TTC17: variants seen among roughly 807,000 people sequenced by gnomAD.
The protein encoded by TTC17 is tetratricopeptide repeat domain 17.
A neutral mutation model predicts 143.8 loss-of-function variants in TTC17; 58 were observed. That is an observed-to-expected ratio of 0.40 (90% CI 0.33 to 0.50). The LOEUF (loss-of-function observed/expected upper bound fraction) is 0.50, where lower values mean the gene tolerates loss of function less well. Among genes scored for constraint, TTC17 ranks in the 20% least tolerant of loss-of-function variants. The pLI, the probability that TTC17 is intolerant of heterozygous loss-of-function variation, is 0.49. For synonymous variants in TTC17, 501 were observed against 497.8 expected (o/e 1.01, Z -0.09); for missense variants, 1,273 against 1,392.5 (o/e 0.91, Z 1.37).
At chr11:43,408,873 C>T (rs1858269450) in intron 15 of TTC17, among the ~76,000 whole-genome samples, 1 of 152,034 alleles carries the variant, frequency 6.6e-6, no homozygotes, top group East Asian at 1.9e-4. Flanking sequence ...TCCCTAGTAG[C>T]TGGGACTACA....
At chr11:43,447,623 T>A (rs1947572069) in intron 18 of TTC17, 1 of 169,750 alleles carries the variant, frequency 5.9e-6, no homozygotes. Flanking sequence ...TGAGAAACCC[T>A]GCTTTAGAGA....
intron 16 of TTC17, among the ~76,000 whole-genome samples, chr11:43,442,053 C>T (rs913466005): frequency 1.2e-4 from 19 of 152,160 alleles, no homozygotes; most frequent in African/African-American, 4.1e-4. Context: ...ACTGCACTCC[C>T]GCGTTATATT....
At chr11:43,414,917 T>G in intron 16 of TTC17, 141 bp downstream of exon 16, 2 of 869,014 alleles carry the variant, frequency 2.3e-6, no homozygotes, top group Non-Finnish European at 3.4e-6. Flanking sequence ...TAGGAAAAGA[T>G]GTTAATTCCT....
At chr11:43,384,989 A>G (rs576089952) in intron 2 of TTC17, among the ~76,000 whole-genome samples, 49 of 152,352 alleles carry the variant, frequency 3.2e-4, no homozygotes, top group South Asian at 2.3e-3. Flanking sequence ...AACCTACCAA[A>G]AAATATAATA....
intron 5 of TTC17, among the ~76,000 whole-genome samples, chr11:43,394,011 C>G (rs983379026): frequency 6.6e-6 from 1 of 152,188 alleles, no homozygotes; most frequent in African/African-American, 2.4e-5. Flanking sequence ...TCTGTCTCTT[C>G]CATTTCTTAT....
intron 21 of TTC17, among the ~76,000 whole-genome samples, chr11:43,468,685 A>G (rs1948029416): frequency 6.6e-6 from 1 of 152,206 alleles, no homozygotes; most frequent in African/African-American, 2.4e-5. Flanking sequence ...CTCCAATCCC[A>G]TCACCTTGGG....
At chr11:43,402,683 A>G (rs971736813) in intron 10 of TTC17, among the ~76,000 whole-genome samples, 2 of 152,198 alleles carry the variant, frequency 1.3e-5, no homozygotes, top group African/African-American at 4.8e-5. Context: ...GATGCTTAAC[A>G]GGTAAGTGTA....
intron 5 of TTC17, 31 bp from the exon 6 acceptor site, chr11:43,396,678 G>C: frequency 1.5e-6 from 2 of 1,348,764 alleles, no homozygotes; most frequent in Non-Finnish European, 2.1e-6. Flanking sequence ...GTCTTGAGTC[G>C]TGTTTGTAAT....
intron 21 of TTC17, among the ~76,000 whole-genome samples, chr11:43,470,755 C>T (rs931013141): frequency 1.3e-5 from 2 of 152,196 alleles, no homozygotes; most frequent in African/African-American, 4.8e-5. Flanking sequence ...CTATGACTTA[C>T]TTCCTAGCTC....
At chr11:43,431,768 A>T (rs1391021588) in intron 16 of TTC17, among the ~76,000 whole-genome samples, 1 of 152,252 alleles carries the variant, frequency 6.6e-6, no homozygotes, top group Non-Finnish European at 1.5e-5. Context: ...TAAGAGGATC[A>T]CTTGAGCCCA....
At chr11:43,462,960 G>A (rs1947899034) in intron 21 of TTC17, among the ~76,000 whole-genome samples, 2 of 109,968 alleles carry the variant, frequency 1.8e-5, no homozygotes, top group South Asian at 5.0e-4. Context: ...CTATTGCCCA[G>A]GCTGAAGTGC....
At chr11:43,426,816 C>T (rs1947039414) in intron 16 of TTC17, among the ~76,000 whole-genome samples, 1 of 152,188 alleles carries the variant, frequency 6.6e-6, no homozygotes, top group Non-Finnish European at 1.5e-5. Flanking sequence ...TTTATAACTT[C>T]ATTAGCCTCA....
At chr11:43,424,006 A>G (rs143390306) in intron 16 of TTC17, among the ~76,000 whole-genome samples, 102 of 152,316 alleles carry the variant, frequency 6.7e-4, no homozygotes, top group Middle Eastern at 6.8e-3. Context: ...TTTCTAAAAT[A>G]TAGCTCATTT....
At chr11:43,437,706 G>A (rs1167990098) in intron 16 of TTC17, among the ~76,000 whole-genome samples, 1 of 152,166 alleles carries the variant, frequency 6.6e-6, no homozygotes, top group African/African-American at 2.4e-5. Context: ...TACAAATGTA[G>A]ATATAATTGC....
At chr11:43,483,949 C>T (rs1325790632) in intron 21 of TTC17, among the ~76,000 whole-genome samples, 2 of 152,160 alleles carry the variant, frequency 1.3e-5, no homozygotes, top group Non-Finnish European at 2.9e-5. Context: ...CAGGACCAGC[C>T]TGGTCAACAC....
chr11:43,424,689 G>C (rs770192213), intron 16 of TTC17, among the ~76,000 whole-genome samples: 2 of 152,128 alleles, frequency 1.3e-5, no homozygotes, highest in Non-Finnish European at 2.9e-5. Flanking sequence ...AGAATTGCTT[G>C]AACCCGGGAG....
At chr11:43,380,251 G>GTT (rs1403990311) in intron 2 of TTC17, among the ~76,000 whole-genome samples, 2 of 151,424 alleles carry the variant, frequency 1.3e-5, no homozygotes, top group East Asian at 3.9e-4. Flanking sequence ...CCTGTTTTTT[G>GTT]TTTTGTTTTG....
At chr11:43,438,811 T>C (rs938105590) in intron 16 of TTC17, among the ~76,000 whole-genome samples, 2 of 152,240 alleles carry the variant, frequency 1.3e-5, no homozygotes, top group African/African-American at 2.4e-5. Context: ...TTGTTTCTTA[T>C]CAAATATAGT....
rs146106574 is a variant in TTC17, at chr11:43,459,057, C to T, written c.3030+7792C>T. Among the ~76,000 whole-genome samples the T allele has an allele frequency of 2.4e-4, 36 of 152,244 alleles. 2 individuals carry two copies. In the East Asian group the frequency reaches 6.6e-3, roughly 28 times the overall value. On this transcript the variant is annotated intron_variant, in intron 21 of 23. Coordinates refer to ENST00000039989, the MANE Select transcript of TTC17 (RefSeq NM_018259.6). ...TATTCCCCTCAGATAAGAGAGAATT[C>T]CTGTGTATGGAAGAGACTCCTCAGA...
Sources: gnomAD v4.1 joint callset for allele counts (sites outside exome capture counted in the v4.1 genomes callset) on GRCh38, gnomAD v4.1.1 for gene constraint, MANE v1.5 for transcripts, NCBI Gene and HGNC (gene_info 2026-07-23, HGNC 2026-07-21) for gene names.